The following UGT1A10 variants were observed in gnomAD, a reference collection of about 807,000 sequenced individuals.
The protein encoded by UGT1A10 is UDP-glucuronosyltransferase 1A10.
A neutral mutation model predicts 45.8 loss-of-function variants in UGT1A10; 49 were observed. The observed-to-expected ratio is 1.07, with a 90% CI of 0.85 to 1.36. The LOEUF is 1.36. UGT1A10 is among the 40% of genes most tolerant of loss of function. The probability of loss-of-function intolerance (pLI) is 0.00; values close to 1 mark genes in which losing one functional copy is unlikely to be tolerated. For missense variants in UGT1A10, 745 were observed against 668.6 expected, an observed-to-expected ratio of 1.11 and a Z score of -1.26; for synonymous variants, 284 against 249.7, an observed-to-expected ratio of 1.14 and a Z score of -1.29.
At chr2:233,740,014 A>G (rs1487860646) in intron 1 of UGT1A10, among the ~76,000 whole-genome samples, 4 of 151,772 alleles carry the variant, frequency 2.6e-5, no homozygotes, top group South Asian at 2.1e-4. Flanking sequence ...GTGAGTTCTC[A>G]TGAGAGCTGA....
intron 1 of UGT1A10, chr2:233,747,375 G>C: frequency 6.2e-7 from 1 of 1,604,748 alleles, no homozygotes; most frequent in African/African-American, 1.3e-5. Flanking sequence ...CCATGCCAGA[G>C]GCCACCAGGC....
chr2:233,665,148 T>G (rs1457583854), intron 1 of UGT1A10, among the ~76,000 whole-genome samples: 1 of 152,216 alleles, frequency 6.6e-6, no homozygotes, highest in Non-Finnish European at 1.5e-5. Flanking sequence ...TTACTTTGCA[T>G]TTTTCATTTG....
intron 1 of UGT1A10, among the ~76,000 whole-genome samples, chr2:233,736,892 T>C (rs905438192): frequency 2.6e-5 from 4 of 152,220 alleles, no homozygotes; most frequent in Non-Finnish European, 5.9e-5. Flanking sequence ...TATTGCTGCC[T>C]GATCCTTCCT....
intron 1 of UGT1A10, among the ~76,000 whole-genome samples, chr2:233,751,332 T>C (rs1042149461): frequency 1.3e-5 from 2 of 152,004 alleles, no homozygotes; most frequent in African/African-American, 4.8e-5. Flanking sequence ...CCATTGTGTC[T>C]TGGAAGTTAC....
Position 233,755,090 on chromosome 2 carries a change from C to G in UGT1A10, c.856-11944C>G, listed in dbSNP as rs778198655. On this transcript the variant is annotated intron_variant, in intron 1 of 4. Transcript: ENST00000344644. ...CATAGCGGTCATAGATATCGCGTTT[C>G]TACGCGTCCGACAACACCTCGTAGG... 4 of 1,336,104 alleles carry G rather than the reference C, an allele frequency of 3.0e-6. No homozygotes were observed. The South Asian group carries it at 4.6e-5, about 15-fold the overall frequency. The allele number at this position is 1,336,104 out of a possible 1,614,324, so 82.8% of individuals were successfully genotyped here. A position where few individuals can be genotyped will look rare whatever the true frequency, so the allele number is the denominator to read the frequency against.
At chr2:233,752,930 C>G (rs1695091959) in intron 1 of UGT1A10, among the ~76,000 whole-genome samples, 1 of 152,236 alleles carries the variant, frequency 6.6e-6, no homozygotes, top group South Asian at 2.1e-4. Context: ...TGGTATGCCA[C>G]TCTTTGCTGA....
intron 1 of UGT1A10, among the ~76,000 whole-genome samples, chr2:233,676,496 A>C (rs1032547787): frequency 6.6e-6 from 1 of 152,214 alleles, no homozygotes; most frequent in Non-Finnish European, 1.5e-5. Context: ...TGATGAGCTA[A>C]AAGCTAAAGT....
At chr2:233,729,131 C>A (rs1449948739) in intron 1 of UGT1A10, 2 of 1,613,182 alleles carry the variant, frequency 1.2e-6, no homozygotes, top group East Asian at 4.5e-5. Context: ...GCTGAGATGG[C>A]CACAGGACTC....
intron 1 of UGT1A10, 84 bp downstream of exon 1, chr2:233,637,461 A>G: frequency 1.3e-6 from 2 of 1,503,714 alleles, no homozygotes; most frequent in East Asian, 4.6e-5. Context: ...GTGATTTGAC[A>G]TTTTCGTTTG....
chr2:233,640,550 G>T (rs1220658002), intron 1 of UGT1A10, among the ~76,000 whole-genome samples: 2 of 152,120 alleles, frequency 1.3e-5, no homozygotes. Flanking sequence ...ATGGAACAGA[G>T]AATTCAGAAA....
intron 1 of UGT1A10, among the ~76,000 whole-genome samples, chr2:233,653,267 C>G (rs2073782937): frequency 6.6e-6 from 1 of 152,180 alleles, no homozygotes; most frequent in African/African-American, 2.4e-5. Context: ...ACACGACAGA[C>G]CACTTCATAG....
chr2:233,765,502 A>G (rs1698851224), intron 1 of UGT1A10, among the ~76,000 whole-genome samples: 1 of 152,194 alleles, frequency 6.6e-6, no homozygotes, highest in Non-Finnish European at 1.5e-5. Flanking sequence ...AAACTAACAC[A>G]GGAACAGAAA....
chr2:233,772,746 T>C lies in UGT1A10; in HGVS notation c.*187T>C. On this transcript the variant is annotated 3_prime_UTR_variant, in exon 5 of 5. Coordinates refer to ENST00000344644, the MANE Select transcript of UGT1A10 (RefSeq NM_019075.4). ...ATAGACTCGCTAGTCAGTAAAGATA[T>C]TTGAATATGTATCGTGCCCCCTCTG... The C allele has an allele frequency of 7.0e-7, 1 of 1,422,530 alleles. No individual in the cohort carries two copies. 88.1% of individuals were successfully genotyped at this position (1,422,530 alleles called of 1,614,324 possible).
chr2:233,750,659 G>C (rs1224813107), intron 1 of UGT1A10: 1 of 143,478 alleles, frequency 7.0e-6, no homozygotes, highest in Non-Finnish European at 1.5e-5. Context: ...AGGACTTGGT[G>C]CCCTGTGTCC....
intron 1 of UGT1A10, among the ~76,000 whole-genome samples, chr2:233,724,038 C>T (rs2077157253): frequency 1.1e-5 from 1 of 87,686 alleles, no homozygotes. Flanking sequence ...TCTCAATGAG[C>T]TGTTGGGCAC....
intron 1 of UGT1A10, among the ~76,000 whole-genome samples, chr2:233,639,636 T>C (rs1209749611): frequency 6.6e-6 from 1 of 152,178 alleles, no homozygotes; most frequent in East Asian, 1.9e-4. Flanking sequence ...TTGCGTGCAG[T>C]GTCCCAGACC....
chr2:233,671,901 T>A, intron 1 of UGT1A10: 3 of 1,574,686 alleles, frequency 1.9e-6, no homozygotes, highest in Non-Finnish European at 2.6e-6. Flanking sequence ...GGAGCTTAGA[T>A]TCCCAGCTGC....
At chr2:233,653,950 A>G (rs936085350) in intron 1 of UGT1A10, among the ~76,000 whole-genome samples, 7 of 152,230 alleles carry the variant, frequency 4.6e-5, no homozygotes, top group South Asian at 2.1e-4. Context: ...TCTCTTCATT[A>G]TTGAGGACAT....
At chr2:233,748,154 C>T (rs1428123835) in intron 1 of UGT1A10, 2 of 1,600,806 alleles carry the variant, frequency 1.2e-6, no homozygotes, top group Non-Finnish European at 1.7e-6. Flanking sequence ...CTTACAATTG[C>T]TTCCATATCT....
Sources: allele counts gnomAD v4.1 joint callset (sites outside exome capture counted in the v4.1 genomes callset), GRCh38; gene constraint gnomAD v4.1.1; transcripts MANE v1.5; gene names NCBI Gene and HGNC (gene_info 2026-07-23, HGNC 2026-07-21).